Variants in WFDC1 observed in about 807,000 individuals in gnomAD.
The protein encoded by WFDC1 is WAP four-disulfide core domain protein 1.
In WFDC1, 39 loss-of-function variants were observed where a neutral mutation model predicts 32.9. The ratio of observed to expected loss-of-function variants is 1.19; its 90% CI spans 0.92 to 1.55. The LOEUF (loss-of-function observed/expected upper bound fraction) is 1.55, where lower values mean the gene tolerates loss of function less well. Among genes scored for constraint, WFDC1 ranks in the 40% most tolerant of loss-of-function variants. The pLI, the probability that WFDC1 is intolerant of heterozygous loss-of-function variation, is 0.00. For synonymous variants in WFDC1, 184 were observed against 137.4 expected, an observed-to-expected ratio of 1.34 and a Z score of -2.37; for missense variants, 386 against 309.5, an observed-to-expected ratio of 1.25 and a Z score of -1.85.
At chr16:84,315,494 C>A (rs1041020689) in intron 2 of WFDC1, among the ~76,000 whole-genome samples, 1 of 152,194 alleles carries the variant, frequency 6.6e-6, no homozygotes, top group East Asian at 1.9e-4. Context: ...TTCATTCATT[C>A]ACTAGCCAGC....
At chr16:84,302,146 G>A (rs11646200) in intron 1 of WFDC1, among the ~76,000 whole-genome samples, 33,251 of 152,038 alleles carry the variant, frequency 0.22, 4,185 homozygotes, top group Middle Eastern at 0.4. Context: ...TGGATGCAAC[G>A]TCCAGAAGAG....
intron 4 of WFDC1, among the ~76,000 whole-genome samples, chr16:84,319,832 C>T (rs12924432): frequency 0.058 from 8,851 of 152,264 alleles, 385 homozygotes; most frequent in Non-Finnish European, 0.084. Context: ...AGCTGGGCGA[C>T]ACTGGGGTTA....
At chr16:84,322,919 G>C (rs1908392860) in intron 4 of WFDC1, among the ~76,000 whole-genome samples, 2 of 152,206 alleles carry the variant, frequency 1.3e-5, no homozygotes, top group Admixed American at 1.3e-4. Flanking sequence ...GTCTAGCCTT[G>C]AGTGGGAGGC....
At chr16:84,314,836 CAT>C (rs1314446042) in intron 2 of WFDC1, among the ~76,000 whole-genome samples, 1 of 152,248 alleles carries the variant, frequency 6.6e-6, no homozygotes, top group Non-Finnish European at 1.5e-5. Context: ...TGTGACCTGA[CAT>C]AGGGATTCTA....
Position 84,318,960 on chromosome 16 carries a change from CTGTAT to C in WFDC1, c.422-467_422-463del, listed in dbSNP as rs1379975335. 14 of 198,086 alleles carry C rather than the reference CTGTAT, an allele frequency of 7.1e-5. 1 individual carries two copies. In the South Asian group the frequency reaches 1.2e-3, roughly 17 times the overall value. The allele number at this position is 198,086 out of a possible 1,614,324, so 12.3% of individuals were successfully genotyped here. Reference sequence around the variant, plus strand: ...TGTGTGTGCATGCAAAAGTGTGTGACTGTATTGTGAGTGTACATGTGTGGGTAAGC... The same window carrying C: ...TGTGTGTGCATGCAAAAGTGTGTGACTGTGAGTGTACATGTGTGGGTAAGC... On this transcript the variant is annotated intron_variant, in intron 3 of 6. Transcript: ENST00000219454.
chr16:84,322,530 C>T (rs575037776), intron 4 of WFDC1, among the ~76,000 whole-genome samples: 5 of 152,262 alleles, frequency 3.3e-5, no homozygotes, highest in Admixed American at 6.5e-5. Context: ...AAAAAACTAC[C>T]GTTACATTTT....
intron 4 of WFDC1, among the ~76,000 whole-genome samples, 159 bp downstream of exon 4, chr16:84,319,730 T>A (rs905807486): frequency 1.3e-5 from 2 of 152,106 alleles, no homozygotes; most frequent in Admixed American, 6.5e-5. Flanking sequence ...GGCTCCTTCT[T>A]TCATGGCCCC....
chr16:84,314,041 C>CA (rs11296589), intron 2 of WFDC1, among the ~76,000 whole-genome samples: 1,493 of 148,024 alleles, frequency 0.01, 21 homozygotes, highest in African/African-American at 0.035. Flanking sequence ...GACTCTGTCT[C>CA]AAAAAAAAAA....
At chr16:84,323,764 C>A (rs1309976068) in intron 4 of WFDC1, among the ~76,000 whole-genome samples, 1 of 152,192 alleles carries the variant, frequency 6.6e-6, no homozygotes, top group Non-Finnish European at 1.5e-5. Context: ...CCCCTGTGAA[C>A]ATATTTTGTA....
intron 4 of WFDC1, among the ~76,000 whole-genome samples, chr16:84,321,973 A>G (rs749059831): frequency 6.6e-6 from 1 of 152,190 alleles, no homozygotes; most frequent in Non-Finnish European, 1.5e-5. Flanking sequence ...CTTGAGTGAG[A>G]GAAACACGTA....
intron 3 of WFDC1, chr16:84,318,807 G>A (rs945012651): frequency 9.2e-6 from 2 of 217,146 alleles, no homozygotes; most frequent in South Asian, 8.0e-5. Context: ...CTGCGGCTGT[G>A]CTTCTGACTC....
In WFDC1 at chr16:84,324,012, C is replaced by T. The variant is rs371469812; in HGVS notation, c.563-407C>T. On this transcript the variant is annotated intron_variant, in intron 4 of 6. Coordinates refer to ENST00000219454, the MANE Select transcript of WFDC1 (RefSeq NM_021197.4). ...GCGCATGCCTGTAATCCCAGCTACT[C>T]GGGAGGCTGAGGCAGGAGAATCACT... is the stretch of plus-strand genomic sequence containing the variant. Among the ~76,000 whole-genome samples, 20 of 152,126 alleles carry T rather than the reference C, an allele frequency of 1.3e-4. No homozygotes were observed. The South Asian group carries it at 2.5e-3, about 19-fold the overall frequency.
intron 1 of WFDC1, among the ~76,000 whole-genome samples, chr16:84,308,874 C>A (rs1461060720): frequency 1.3e-5 from 2 of 151,690 alleles, no homozygotes; most frequent in Non-Finnish European, 2.9e-5. Flanking sequence ...TAGACGCCAG[C>A]CTGGGCATAG....
At chr16:84,312,322 A>G (rs1204303939) in intron 1 of WFDC1, among the ~76,000 whole-genome samples, 3 of 152,174 alleles carry the variant, frequency 2.0e-5, no homozygotes, top group Middle Eastern at 3.2e-3. Context: ...GTTCCCAGCC[A>G]GTCACTGCCC....
At chr16:84,295,249 C>T (rs1906524609) in intron 1 of WFDC1, 134 bp downstream of exon 1, 5 of 1,195,744 alleles carry the variant, frequency 4.2e-6, no homozygotes, top group Admixed American at 5.1e-5. Context: ...TCTTCCTATC[C>T]GTGTGTGTCT....
rs771668689 is a variant in WFDC1 at position 84,326,835 on chromosome 16, G to A, written c.605-47G>A. On this transcript the variant is annotated intron_variant, in intron 5 of 6. Transcript: ENST00000219454. ...CTGGTGAGCCACGGGGGGCATTAGA[G>A]CAGGAATAGATACATCTACCCCAAC... 62 of 1,612,658 alleles carry A rather than the reference G, an allele frequency of 3.8e-5. No homozygotes were observed. In the East Asian group the frequency reaches 4.0e-4, roughly 10 times the overall value.
intron 1 of WFDC1, among the ~76,000 whole-genome samples, chr16:84,301,001 A>G (rs1189765284): frequency 6.6e-6 from 1 of 151,952 alleles, no homozygotes; most frequent in East Asian, 1.9e-4. Context: ...AGGAGAAGAG[A>G]CATAGAATCA....
At chr16:84,306,652 G>C (rs2151371104) in intron 1 of WFDC1, among the ~76,000 whole-genome samples, 1 of 152,212 alleles carries the variant, frequency 6.6e-6, no homozygotes, top group East Asian at 1.9e-4. Context: ...CAGGACCCCT[G>C]CTCTGCAGAA....
chr16:84,311,695 C>CCTT (rs35711981), intron 1 of WFDC1, among the ~76,000 whole-genome samples: 3 of 73,460 alleles, frequency 4.1e-5, no homozygotes, highest in East Asian at 1.0e-3. Context: ...TGCCTGACTG[C>CCTT]TTTTTTTTTT....
Sources: allele counts gnomAD v4.1 joint callset (sites outside exome capture counted in the v4.1 genomes callset), GRCh38; gene constraint gnomAD v4.1.1; transcripts MANE v1.5; gene names NCBI Gene and HGNC (gene_info 2026-07-23, HGNC 2026-07-21).